CHRNB3: variants seen among roughly 807,000 people sequenced by gnomAD.
The protein encoded by CHRNB3 is cholinergic receptor nicotinic beta 3 subunit, also known as neuronal acetylcholine receptor subunit beta-3.
CHRNB3 carries 37 observed loss-of-function variants against 40.6 expected under a neutral mutation model. That is an observed-to-expected ratio of 0.91 (90% CI 0.70 to 1.20). CHRNB3 has a LOEUF of 1.20. CHRNB3 is among the 50% of genes most tolerant of loss of function. The probability of loss-of-function intolerance (pLI) is 0.00; values close to 1 mark genes in which losing one functional copy is unlikely to be tolerated. For missense variants in CHRNB3, 505 were observed against 551.2 expected (o/e 0.92, Z 0.84); for synonymous variants, 207 against 207.1 (o/e 1.00, Z 0.00).
rs76252105 is a variant in CHRNB3, at chr8:42,716,976, C to T, written c.249+6542C>T. Among the ~76,000 whole-genome samples the T allele has an allele frequency of 8.9e-3, 1,360 of 152,230 alleles. 9 individuals carry two copies. Among genetic ancestry groups the T allele is most frequent in the Non-Finnish European group, 0.015 (1,013 of 68,026 alleles). Reference sequence around the variant, plus strand: ...TGCCCAGGCCAACATCTTAAAGTAGCAGTGTCTTTCCAACAGCTGATGTCT... The same window carrying T: ...TGCCCAGGCCAACATCTTAAAGTAGTAGTGTCTTTCCAACAGCTGATGTCT... On this transcript the variant is annotated intron_variant, in intron 3 of 5. Coordinates refer to ENST00000289957, the MANE Select transcript of CHRNB3 (RefSeq NM_000749.5).
chr8:42,711,283 C>G (rs1394031840), intron 3 of CHRNB3, among the ~76,000 whole-genome samples: 1 of 152,002 alleles, frequency 6.6e-6, no homozygotes, highest in Non-Finnish European at 1.5e-5. Context: ...GCATTCCAGC[C>G]TGGGTGACAG....
At chr8:42,734,544 C>T (rs900875405) in intron 5 of CHRNB3, among the ~76,000 whole-genome samples, 3 of 151,092 alleles carry the variant, frequency 2.0e-5, no homozygotes, top group African/African-American at 7.3e-5. Flanking sequence ...CTCAGCCTCC[C>T]GAGTAGCTGG....
chr8:42,734,259 CAAAAAAAA>C (rs769371275), intron 5 of CHRNB3, among the ~76,000 whole-genome samples: 1 of 23,970 alleles, frequency 4.2e-5, no homozygotes, highest in African/African-American at 1.2e-4. Context: ...GACTCCATCT[CAAAAAAAA>C]AAAAAAAAAA....
chr8:42,725,855 G>C lies in CHRNB3; in HGVS notation c.250-4739G>C. ...ACTATACGCAGCATTTTTAGGTTCT[G>C]GGGGGTGACTTTTACAAAGACACCA... On this transcript the variant is annotated intron_variant, in intron 3 of 5. Transcript: ENST00000289957. 10 of 810,780 alleles carry C rather than the reference G, an allele frequency of 1.2e-5. No homozygotes were observed. The South Asian group carries it at 1.3e-4, about 11-fold the overall frequency. 50.2% of individuals were successfully genotyped at this position (810,780 alleles called of 1,614,324 possible). A position where few individuals can be genotyped will look rare whatever the true frequency, so the allele number is the denominator to read the frequency against.
At chr8:42,722,729 TTTG>T (rs1282813378) in intron 3 of CHRNB3, among the ~76,000 whole-genome samples, 1 of 151,910 alleles carries the variant, frequency 6.6e-6, no homozygotes, top group Non-Finnish European at 1.5e-5. Flanking sequence ...CCAGCTAATT[TTTG>T]TTGTTGTTTA....
rs761532805 is a variant in CHRNB3, at chr8:42,708,861, T to C, written c.197T>C (p.Val66Ala). Residue 66 changes from valine (V) to alanine (A), a missense_variant, in exon 2 of 6, where the codon GTA becomes GCA. Coordinates refer to ENST00000289957, the MANE Select transcript of CHRNB3 (RefSeq NM_000749.5). ...TTTGGATTGAAAATATCCCAGCTTG[T>C]AGATGTGGTGAGTAATCCTTGGCAC... ...VYFGLKISQL[V>A]DVDEKNQLMT... The C allele has an allele frequency of 1.2e-6, 2 of 1,612,828 alleles. No homozygotes were observed. Among genetic ancestry groups the C allele is most frequent in the Non-Finnish European group, 1.7e-6 (2 of 1,179,388 alleles).
Position 42,732,101 on chromosome 8 carries a change from T to C in CHRNB3, c.794T>C (p.Leu265Pro). 1 of 1,614,128 alleles carries C rather than the reference T, an allele frequency of 6.2e-7. No individual in the cohort carries two copies. ...TTACCTTCGGATGAAGGAGAAAAACTTTCATTATCCACATCGGTCTTGGTT... is the reference window on the plus strand; with the variant it reads ...TTACCTTCGGATGAAGGAGAAAAACCTTCATTATCCACATCGGTCTTGGTT... ...FYLPSDEGEK[L>P]SLSTSVLVSL... Residue 265 changes from leucine (L) to proline (P), a missense_variant, in exon 5 of 6, where the codon CTT becomes CCT. By Grantham distance (98) the Leu-to-Pro change is moderately conservative. Coordinates refer to ENST00000289957, the MANE Select transcript of CHRNB3 (RefSeq NM_000749.5).
chr8:42,703,458 A>ATATATATATATG (rs1563606411), intron 1 of CHRNB3, among the ~76,000 whole-genome samples: 25 of 123,772 alleles, frequency 2.0e-4, no homozygotes, highest in African/African-American at 6.6e-4. Context: ...ATATATATAT[A>ATATATATATATG]TATGTATCCA....
chr8:42,716,690 A>G (rs1816113764), intron 3 of CHRNB3, among the ~76,000 whole-genome samples: 1 of 152,086 alleles, frequency 6.6e-6, no homozygotes, highest in African/African-American at 2.4e-5. Flanking sequence ...TGGTAAACTG[A>G]CATGGTGCCG....
At chr8:42,716,706 G>A (rs1421000091) in intron 3 of CHRNB3, among the ~76,000 whole-genome samples, 2 of 152,022 alleles carry the variant, frequency 1.3e-5, no homozygotes, top group Non-Finnish European at 2.9e-5. Context: ...TGCCGTGGTG[G>A]CCCTGTCTTA....
In CHRNB3 at chr8:42,732,143, T is replaced by G. The variant is rs758864231; in HGVS notation, c.836T>G (p.Leu279Arg). Residue 279 changes from leucine to arginine, a missense_variant, in exon 5 of 6, where the codon CTT (leucine) becomes CGT (arginine). Physicochemically the swap from Leu to Arg is moderately radical, Grantham distance 102. Transcript: ENST00000289957. ...TSVLVSLTVF[L>R]LVIEEIIPSS... The stretch of plus-strand genomic sequence containing the variant: ...GTCTTGGTTTCTCTGACAGTTTTCC[T>G]TTTAGTGATTGAAGAAATCATCCCA... The G allele has an allele frequency of 1.1e-5, 17 of 1,611,762 alleles. No individual in the cohort carries two copies. In the Admixed American group the frequency reaches 2.0e-4, roughly 19 times the overall value.
At position 42,731,882 on chromosome 8, in the gene CHRNB3, G is replaced by A; in HGVS notation, c.575G>A (p.Arg192Lys). 6.2e-7 allele frequency: 1 copy of A among 1,614,164 alleles called. No homozygotes were observed. Among genetic ancestry groups the A allele is most frequent in the Middle Eastern group, 1.6e-4 (1 of 6,062 alleles). ...ATTTTGATCAATGAAAATGTCGACA[G>A]AAAAGACTTCTTCGATAACGGAGAA... ...DLILINENVD[R>K]KDFFDNGEWE... Residue 192 changes from arginine to lysine, a missense_variant, in exon 5 of 6, where the codon AGA (arginine) becomes AAA (lysine). By Grantham distance (26) the Arg-to-Lys change is conservative. Transcript: ENST00000289957.
At chr8:42,717,552 A>G (rs62518180) in intron 3 of CHRNB3, among the ~76,000 whole-genome samples, 8,673 of 151,194 alleles carry the variant, frequency 0.057, 337 homozygotes, top group Middle Eastern at 0.11. Flanking sequence ...TTCCTTTTCT[A>G]CAACCTTACT....
chr8:42,717,602 C>A (rs1488553688), intron 3 of CHRNB3, among the ~76,000 whole-genome samples: 1 of 151,392 alleles, frequency 6.6e-6, no homozygotes, highest in African/African-American at 2.4e-5. Context: ...ACTTCTTACT[C>A]AAGTGGACCC....
intron 1 of CHRNB3, among the ~76,000 whole-genome samples, chr8:42,703,441 T>TAAAAAAAAAAA (rs1563606389): frequency 3.3e-4 from 4 of 12,026 alleles, no homozygotes; most frequent in African/African-American, 5.1e-4. Context: ...AAAAAATATT[T>TAAAAAAAAAAA]ATATATATAT....
rs1450977865 is a variant in CHRNB3 at position 42,717,180 on chromosome 8, C to T, written c.249+6746C>T. ...CGAGGTCAGGAGATCGAGACCATCC[C>T]GGCTAAAACGGTGAAACCCCGTCTC... On this transcript the variant is annotated intron_variant, in intron 3 of 5. Transcript: ENST00000289957. Among the ~76,000 whole-genome samples the T allele has an allele frequency of 4.8e-5, 7 of 145,268 alleles. 1 individual carries two copies. The highest frequency in any genetic ancestry group is 1.3e-4 in the African/African-American group (5 of 38,592).
chr8:42,698,935 C>G (rs1586388300), intron 1 of CHRNB3, among the ~76,000 whole-genome samples: 1 of 152,264 alleles, frequency 6.6e-6, no homozygotes, highest in East Asian at 1.9e-4. Flanking sequence ...ACTGGAATTG[C>G]TTGGCCTCTG....
intron 3 of CHRNB3, among the ~76,000 whole-genome samples, chr8:42,727,762 C>A (rs993954286): frequency 6.6e-6 from 1 of 152,104 alleles, no homozygotes; most frequent in Non-Finnish European, 1.5e-5. Context: ...ACTCGGGAGC[C>A]TGAGCCAGGG....
At chr8:42,730,744 A>C (rs1487492482) in intron 4 of CHRNB3, 41 bp downstream of exon 4, 1 of 1,391,800 alleles carries the variant, frequency 7.2e-7, no homozygotes, top group African/African-American at 1.5e-5. Context: ...GAAAAAAATA[A>C]ATTTTTTAAA....
Sources: gnomAD v4.1 joint callset for allele counts (sites outside exome capture counted in the v4.1 genomes callset) on GRCh38, gnomAD v4.1.1 for gene constraint, MANE v1.5 for transcripts, NCBI Gene and HGNC (gene_info 2026-07-23, HGNC 2026-07-21) for gene names.